PPA2: variants seen among roughly 807,000 people sequenced by gnomAD.
The protein encoded by PPA2 is inorganic pyrophosphatase 2, mitochondrial.
In PPA2, 48 loss-of-function variants were observed where a neutral mutation model predicts 49.5. The observed-to-expected ratio is 0.97, with a 90% confidence interval of 0.77 to 1.23. The LOEUF (loss-of-function observed/expected upper bound fraction) is 1.23, where lower values mean the gene tolerates loss of function less well. Ranked by LOEUF, PPA2 falls within the 50% of genes most tolerant of loss-of-function variation. The pLI is 0.00. For synonymous variants in PPA2, 131 were observed against 139.9 expected (o/e 0.94, Z 0.45); for missense variants, 429 against 410.1 (o/e 1.05, Z -0.40).
chr4:105,419,009 A>C (rs1172279562), intron 7 of PPA2, among the ~76,000 whole-genome samples: 1 of 152,208 alleles, frequency 6.6e-6, no homozygotes, highest in African/African-American at 2.4e-5. Context: ...CACACTGGCC[A>C]AGGTATTTTC....
intron 6 of PPA2, among the ~76,000 whole-genome samples, chr4:105,436,391 T>C (rs1724059298): frequency 6.6e-6 from 1 of 152,084 alleles, no homozygotes; most frequent in Admixed American, 6.5e-5. Flanking sequence ...CCAATATTGC[T>C]CAAAGCAATC....
In PPA2 at chr4:105,427,698, G is replaced by A. The variant is rs185495563; in HGVS notation, c.529-3376C>T. On this transcript the variant is annotated intron_variant, in intron 6 of 11. Coordinates refer to ENST00000341695, the MANE Select transcript of PPA2 (RefSeq NM_176869.3). ...AAGCCTCCAAGAAATATAGGACTAT[G>A]TGAAAAGACCAAAACTACGTTTGAT... 7.7e-3 allele frequency among the ~76,000 whole-genome samples: 1,178 copies of A among 152,332 alleles called. 8 individuals carry two copies. The highest frequency in any genetic ancestry group is 0.017 in the Middle Eastern group (5 of 294).
intron 7 of PPA2, chr4:105,405,962 A>C: frequency 5.4e-6 from 2 of 372,778 alleles, no homozygotes; most frequent in South Asian, 3.9e-5. Context: ...TATCAAGAGA[A>C]AAAGCAGTTA....
intron 6 of PPA2, among the ~76,000 whole-genome samples, chr4:105,426,821 C>T (rs1276256266): frequency 6.6e-6 from 1 of 152,240 alleles, no homozygotes; most frequent in African/African-American, 2.4e-5. Flanking sequence ...ACTTAAATGT[C>T]CCTGCCTGAC....
At chr4:105,434,724 G>A (rs1215301415) in intron 6 of PPA2, among the ~76,000 whole-genome samples, 1 of 152,198 alleles carries the variant, frequency 6.6e-6, no homozygotes, top group East Asian at 1.9e-4. Flanking sequence ...GATAAGACAT[G>A]TATAGGTTAT....
At chr4:105,441,690 T>C (rs1362530640) in intron 5 of PPA2, among the ~76,000 whole-genome samples, 1 of 152,084 alleles carries the variant, frequency 6.6e-6, no homozygotes, top group African/African-American at 2.4e-5. Flanking sequence ...ACAAACAACC[T>C]ATCAACAGGA....
At chr4:105,407,225 T>C (rs1387197897) in intron 7 of PPA2, 2 of 151,906 alleles carry the variant, frequency 1.3e-5, no homozygotes, top group Non-Finnish European at 2.9e-5. Context: ...ACAAAATACA[T>C]GGGTATGAAG....
At chr4:105,425,420 T>C (rs539064001) in intron 6 of PPA2, among the ~76,000 whole-genome samples, 1 of 151,922 alleles carries the variant, frequency 6.6e-6, no homozygotes, top group Non-Finnish European at 1.5e-5. Flanking sequence ...ATATATAATC[T>C]GAAAAGAAAA....
chr4:105,445,212 G>A (rs898632441), intron 5 of PPA2, among the ~76,000 whole-genome samples: 4 of 152,128 alleles, frequency 2.6e-5, no homozygotes, highest in African/African-American at 7.2e-5. Flanking sequence ...GTTTTTGTCT[G>A]TCTCTAATTC....
intron 10 of PPA2, among the ~76,000 whole-genome samples, chr4:105,383,011 A>T (rs983889347): frequency 4.2e-5 from 6 of 142,764 alleles, no homozygotes; most frequent in African/African-American, 9.2e-5. Flanking sequence ...TCTCAAAAAA[A>T]AATAATAATA....
chr4:105,427,335 C>T (rs1032903008), intron 6 of PPA2, among the ~76,000 whole-genome samples: 3 of 152,056 alleles, frequency 2.0e-5, no homozygotes, highest in African/African-American at 7.2e-5. Flanking sequence ...AACAAAACTG[C>T]ATGAAGAATG....
chr4:105,473,603 C>A lies in PPA2; in HGVS notation c.157+291G>T, dbSNP rs1326160116. 4.7e-6 allele frequency: 3 copies of A among 638,866 alleles called. No individual in the cohort carries two copies. The Admixed American group carries it at 5.7e-5, about 12-fold the overall frequency. 39.6% of individuals were successfully genotyped at this position (638,866 alleles called of 1,614,324 possible). A position where few individuals can be genotyped will look rare whatever the true frequency, so the allele number is the denominator to read the frequency against. On this transcript the variant is annotated intron_variant, in intron 1 of 11. Transcript: ENST00000341695. ...GGGTGGCCGCTTGCACTCTGCCTAC[C>A]CCTCGGGGAGGGCGGCTGGCAGGGC...
At chr4:105,430,200 GA>G (rs1265649974) in intron 6 of PPA2, among the ~76,000 whole-genome samples, 3 of 152,152 alleles carry the variant, frequency 2.0e-5, no homozygotes, top group Non-Finnish European at 4.4e-5. Context: ...TATTTTGAGG[GA>G]AAAAATACTA....
intron 10 of PPA2, among the ~76,000 whole-genome samples, chr4:105,380,218 G>A (rs2636721): frequency 0.37 from 56,928 of 152,016 alleles, 12,631 homozygotes; most frequent in East Asian, 0.68. Context: ...TCTTCAGTGA[G>A]CTTTGGTAGT....
At chr4:105,420,080 C>A (rs1420289759) in intron 7 of PPA2, among the ~76,000 whole-genome samples, 1 of 151,848 alleles carries the variant, frequency 6.6e-6, no homozygotes, top group Non-Finnish European at 1.5e-5. Context: ...TCAAGTGATT[C>A]TCTTGCCTCA....
chr4:105,473,656 C>A, intron 1 of PPA2: 1 of 759,114 alleles, frequency 1.3e-6, no homozygotes, highest in East Asian at 2.6e-5. Context: ...CCCCAGCCGG[C>A]AGCCCTGCGC....
At chr4:105,468,159 C>T (rs1461564204) in intron 1 of PPA2, among the ~76,000 whole-genome samples, 2 of 152,184 alleles carry the variant, frequency 1.3e-5, no homozygotes, top group East Asian at 1.9e-4. Flanking sequence ...GTTACAATGG[C>T]AGAGCTGAGT....
chr4:105,387,510 C>T (rs888939145), intron 9 of PPA2, among the ~76,000 whole-genome samples: 4 of 151,966 alleles, frequency 2.6e-5, no homozygotes, highest in Non-Finnish European at 4.4e-5. Flanking sequence ...TGAAATATGC[C>T]GAGATATCGG....
Position 105,411,896 on chromosome 4 carries a change from C to T in PPA2, c.655+12300G>A, listed in dbSNP as rs573859425. 4.6e-5 allele frequency among the ~76,000 whole-genome samples: 7 copies of T among 152,236 alleles called. No individual in the cohort carries two copies. The East Asian group carries it at 1.2e-3, about 25-fold the overall frequency. On this transcript the variant is annotated intron_variant, in intron 7 of 11. Transcript: ENST00000341695. ...TCCAACTTACAAGGGATGTGAAGGA[C>T]CTCTTCAAGGAGAACTATAAACCAC...
Sources: gnomAD v4.1 joint callset for allele counts (sites outside exome capture counted in the v4.1 genomes callset) on GRCh38, gnomAD v4.1.1 for gene constraint, MANE v1.5 for transcripts, NCBI Gene and HGNC (gene_info 2026-07-23, HGNC 2026-07-21) for gene names.